ARHGEF4: variants seen among roughly 807,000 people sequenced by gnomAD.
The protein encoded by ARHGEF4 is Rho guanine nucleotide exchange factor 4.
A neutral mutation model predicts 162.0 loss-of-function variants in ARHGEF4; 119 were observed. The ratio of observed to expected loss-of-function variants is 0.73; its 90% CI spans 0.63 to 0.86. The LOEUF is 0.86. Ranked by LOEUF, ARHGEF4 falls within the 40% of genes least tolerant of loss-of-function variation. ARHGEF4 has a pLI of 0.00. For missense variants in ARHGEF4, 2,488 were observed against 2,456.0 expected (o/e 1.01, Z -0.28); for synonymous variants, 1,014 against 979.9 (o/e 1.03, Z -0.65).
In ARHGEF4 at chr2:130,954,458, T is replaced by C. The variant is rs1684147365; in HGVS notation, c.3985+7823T>C. ...AGAAATACCTAATGTAAATGATGAG[T>C]TAATGGGTGCAGCACACCAATGTGG... On this transcript the variant is annotated intron_variant, in intron 4 of 13. Transcript: ENST00000409359. Among the ~76,000 whole-genome samples, 4 of 152,086 alleles carry C rather than the reference T, an allele frequency of 2.6e-5. No individual in the cohort carries two copies. The South Asian group carries it at 8.3e-4, about 32-fold the overall frequency.
chr2:130,871,498 T>G (rs372037099), intron 1 of ARHGEF4, among the ~76,000 whole-genome samples: 1 of 151,868 alleles, frequency 6.6e-6, no homozygotes, highest in Non-Finnish European at 1.5e-5. Flanking sequence ...ATCGAGTCAT[T>G]GTACTCCAGC....
intron 4 of ARHGEF4, chr2:131,011,893 G>T (rs546838842): frequency 1.3e-4 from 88 of 703,286 alleles, no homozygotes; most frequent in South Asian, 1.1e-3. Flanking sequence ...GGGCAGAGAT[G>T]GGACCTGCAC....
intron 4 of ARHGEF4, among the ~76,000 whole-genome samples, chr2:131,006,210 C>T (rs867599728): frequency 6.6e-5 from 10 of 152,230 alleles, no homozygotes; most frequent in Middle Eastern, 3.4e-3. Context: ...AATGAGACTG[C>T]GAGTTGATTC....
chr2:131,045,842 G>A, intron 13 of ARHGEF4, 196 bp from the exon 14 acceptor site: 1 of 1,455,666 alleles, frequency 6.9e-7, no homozygotes, highest in Non-Finnish European at 9.0e-7. Context: ...CAGGAGGCCA[G>A]GCCCAGGCCA....
intron 1 of ARHGEF4, among the ~76,000 whole-genome samples, chr2:130,901,607 G>A (rs994859936): frequency 6.6e-6 from 1 of 151,386 alleles, no homozygotes; most frequent in Admixed American, 6.6e-5. Context: ...TGCAACCTCT[G>A]CCTCCCGGGT....
At chr2:130,923,707 C>T (rs1309205948) in intron 2 of ARHGEF4, among the ~76,000 whole-genome samples, 1 of 152,124 alleles carries the variant, frequency 6.6e-6, no homozygotes, top group East Asian at 1.9e-4. Flanking sequence ...CGGTGGGGCA[C>T]CCTTGGCTTG....
At chr2:130,891,761 A>G (rs749893352) in intron 1 of ARHGEF4, among the ~76,000 whole-genome samples, 2 of 152,144 alleles carry the variant, frequency 1.3e-5, no homozygotes, top group Non-Finnish European at 2.9e-5. Context: ...ATGATCTCAT[A>G]CAACCTTCAT....
At chr2:130,847,499 G>C (rs768968648) in intron 1 of ARHGEF4, among the ~76,000 whole-genome samples, 1 of 152,202 alleles carries the variant, frequency 6.6e-6, no homozygotes, top group East Asian at 1.9e-4. Flanking sequence ...TCTGTAAAAC[G>C]AGGATAATGG....
At chr2:131,006,092 T>C (rs1206218287) in intron 4 of ARHGEF4, among the ~76,000 whole-genome samples, 1 of 152,126 alleles carries the variant, frequency 6.6e-6, no homozygotes, top group Admixed American at 6.6e-5. Flanking sequence ...TTCCCCGCCA[T>C]TGGTCATCCT....
At chr2:130,997,681 T>G (rs1460576900) in intron 4 of ARHGEF4, among the ~76,000 whole-genome samples, 2 of 152,222 alleles carry the variant, frequency 1.3e-5, no homozygotes, top group African/African-American at 4.8e-5. Flanking sequence ...AATGAGTGCA[T>G]AGACTGTATT....
chr2:131,015,164 G>A (rs1428557154), intron 4 of ARHGEF4, among the ~76,000 whole-genome samples: 4 of 152,210 alleles, frequency 2.6e-5, no homozygotes, highest in African/African-American at 7.2e-5. Flanking sequence ...GAGCCTGAGA[G>A]AAGTTCAGTT....
intron 13 of ARHGEF4, chr2:131,045,767 C>T (rs1691201350): frequency 7.0e-7 from 1 of 1,428,018 alleles, no homozygotes; most frequent in East Asian, 2.5e-5. Flanking sequence ...CCCATTTCTA[C>T]AGAGAGCCAT....
chr2:130,902,541 C>T (rs1680545164), intron 1 of ARHGEF4, among the ~76,000 whole-genome samples: 1 of 151,782 alleles, frequency 6.6e-6, no homozygotes, highest in Admixed American at 6.6e-5. Flanking sequence ...TTGCAGTGAG[C>T]CGAGATAGCG....
chr2:130,937,721 G>A (rs969162674), intron 3 of ARHGEF4, among the ~76,000 whole-genome samples: 9 of 149,256 alleles, frequency 6.0e-5, no homozygotes, highest in Non-Finnish European at 8.9e-5. Context: ...AGACGGGAGT[G>A]CAGTGGTGCG....
At chr2:131,033,918 A>G (rs139716611) in intron 5 of ARHGEF4, among the ~76,000 whole-genome samples, 325 of 152,278 alleles carry the variant, frequency 2.1e-3, no homozygotes, top group Non-Finnish European at 3.5e-3. Flanking sequence ...ACCCATATGT[A>G]TATACACACA....
In ARHGEF4 at chr2:130,837,324, G is replaced by A. The variant is rs756899632; in HGVS notation, c.39+332G>A. ...ACCGTCCTGGGCGCGCGGGGCACTC[G>A]GAGCCGCTGCCTGGACCGGCCTGGG... On this transcript the variant is annotated intron_variant, in intron 1 of 13. Transcript: ENST00000409359. 4.3e-4 allele frequency: 151 copies of A among 349,500 alleles called. 2 individuals carry two copies. The highest frequency in any genetic ancestry group is 3.9e-4 in the Admixed American group (8 of 20,486). 21.6% of individuals were successfully genotyped at this position (349,500 alleles called of 1,614,324 possible). A position where few individuals can be genotyped will look rare whatever the true frequency, so the allele number is the denominator to read the frequency against.
chr2:130,857,057 C>T (rs1681844964), intron 1 of ARHGEF4, among the ~76,000 whole-genome samples: 1 of 151,774 alleles, frequency 6.6e-6, no homozygotes, highest in Non-Finnish European at 1.5e-5. Flanking sequence ...CCCGTCTCTA[C>T]TAAAAAAAAA....
At chr2:130,944,462 C>G (rs531328205) in intron 3 of ARHGEF4, among the ~76,000 whole-genome samples, 1 of 152,132 alleles carries the variant, frequency 6.6e-6, no homozygotes, top group East Asian at 1.9e-4. Flanking sequence ...TTCCCCCCAA[C>G]CTTTTCTCTC....
At chr2:130,885,463 C>T (rs925011820) in intron 1 of ARHGEF4, among the ~76,000 whole-genome samples, 4 of 151,438 alleles carry the variant, frequency 2.6e-5, no homozygotes, top group South Asian at 4.2e-4. Flanking sequence ...AAGGTCTCAT[C>T]GTAATACTGT....
Sources: gnomAD v4.1 joint callset for allele counts (sites outside exome capture counted in the v4.1 genomes callset) on GRCh38, gnomAD v4.1.1 for gene constraint, MANE v1.5 for transcripts, NCBI Gene and HGNC (gene_info 2026-07-23, HGNC 2026-07-21) for gene names.